Variants in MOGAT2 observed in about 807,000 individuals in gnomAD.
MOGAT2 encodes monoacylglycerol O-acyltransferase 2, also known as 2-acylglycerol O-acyltransferase 2.
In MOGAT2, 27 loss-of-function variants were observed where a neutral mutation model predicts 31.5. The observed-to-expected ratio is 0.86, with a 90% CI of 0.63 to 1.18. MOGAT2 has a LOEUF of 1.18. Among genes scored for constraint, MOGAT2 ranks in the 50% most tolerant of loss-of-function variants. The pLI is 0.00. For missense variants in MOGAT2, 436 were observed against 433.2 expected (o/e 1.01, Z -0.06); for synonymous variants, 163 against 170.0 (o/e 0.96, Z 0.32).
intron 2 of MOGAT2, among the ~76,000 whole-genome samples, chr11:75,725,117 G>T (rs981810510): frequency 3.3e-5 from 5 of 152,280 alleles, no homozygotes; most frequent in African/African-American, 1.2e-4. Flanking sequence ...GGAGTTGCTG[G>T]GTTAAAAGAT....
At chr11:75,730,166 TG>T (rs1361574148) in intron 5 of MOGAT2, among the ~76,000 whole-genome samples, 3 of 152,218 alleles carry the variant, frequency 2.0e-5, no homozygotes, top group Non-Finnish European at 4.4e-5. Flanking sequence ...AATATTTTCA[TG>T]AATTTTAATA....
chr11:75,729,049 G>T (rs867093633), intron 5 of MOGAT2, 60 bp downstream of exon 5: 1 of 1,539,396 alleles, frequency 6.5e-7, no homozygotes. Flanking sequence ...GTTGTGTGCT[G>T]CAAGGGGACA....
In MOGAT2 at chr11:75,725,484, G is replaced by A. The variant is rs1388185324; in HGVS notation, c.271-1951G>A. Among the ~76,000 whole-genome samples, 3 of 152,078 alleles carry A rather than the reference G, an allele frequency of 2.0e-5. No individual in the cohort carries two copies. In the East Asian group the frequency reaches 5.8e-4, roughly 29 times the overall value. On this transcript the variant is annotated intron_variant, in intron 2 of 5. Transcript: ENST00000198801. ...AATTGTTTGAACCTGGGAGGTGGAG[G>A]TTGCAGTGAGCTGAGATCATGCCAC...
At chr11:75,726,245 C>T (rs1402762706) in intron 2 of MOGAT2, among the ~76,000 whole-genome samples, 1 of 152,096 alleles carries the variant, frequency 6.6e-6, no homozygotes, top group Admixed American at 6.6e-5. Flanking sequence ...GAAGGCCTGG[C>T]GAGGGGAAGC....
intron 1 of MOGAT2, among the ~76,000 whole-genome samples, chr11:75,719,186 T>A (rs1944355750): frequency 6.6e-6 from 1 of 152,152 alleles, no homozygotes; most frequent in South Asian, 2.1e-4. Context: ...CAATCAAGGA[T>A]TTGCCTCCAG....
intron 2 of MOGAT2, 23 bp downstream of exon 2, chr11:75,720,193 G>T (rs1234630227): frequency 6.3e-7 from 1 of 1,599,652 alleles, no homozygotes; most frequent in East Asian, 2.2e-5. Context: ...GCTGGTTGGG[G>T]TTGGGGAGGG....
chr11:75,721,315 C>G (rs971770155), intron 2 of MOGAT2, among the ~76,000 whole-genome samples: 1 of 151,866 alleles, frequency 6.6e-6, no homozygotes, highest in Non-Finnish European at 1.5e-5. Flanking sequence ...TGGAGTCTCG[C>G]TCTGTCACCC....
chr11:75,730,379 C>G (rs1269449327), intron 5 of MOGAT2, among the ~76,000 whole-genome samples: 1 of 152,100 alleles, frequency 6.6e-6, no homozygotes, highest in Non-Finnish European at 1.5e-5. Context: ...AGAAATATAG[C>G]CGCTTCCATT....
chr11:75,720,514 A>T (rs1454333736), intron 2 of MOGAT2, among the ~76,000 whole-genome samples: 1 of 152,204 alleles, frequency 6.6e-6, no homozygotes, highest in Non-Finnish European at 1.5e-5. Context: ...TAATAAACTT[A>T]CAGGTTCTAA....
intron 2 of MOGAT2, among the ~76,000 whole-genome samples, chr11:75,722,155 G>A (rs1399811404): frequency 1.3e-5 from 2 of 152,188 alleles, no homozygotes; most frequent in Middle Eastern, 3.2e-3. Context: ...CCCACTCCTG[G>A]GTCTTGTCAG....
chr11:75,727,652 A>G lies in MOGAT2; in HGVS notation c.475+13A>G, dbSNP rs758850279. ...ATCATGTCTGCAGGTGAGTCTTTCT[A>G]CCCCTGAGCAGCTCAGGAAGGTAAC... On this transcript the variant is annotated intron_variant, in intron 3 of 5. Transcript: ENST00000198801. 1 of 1,608,880 alleles carries G rather than the reference A, an allele frequency of 6.2e-7. No individual in the cohort carries two copies. The highest frequency in any genetic ancestry group is 1.1e-5 in the South Asian group (1 of 90,680).
At chr11:75,731,051 A>G (rs1381074103) in intron 5 of MOGAT2, 81 bp from the exon 6 acceptor site, 1 of 1,299,712 alleles carries the variant, frequency 7.7e-7, no homozygotes, top group Non-Finnish European at 1.1e-6. Context: ...ACTTTTCTGC[A>G]GGGATGAACC....
chr11:75,728,317 C>G, intron 4 of MOGAT2, 173 bp downstream of exon 4: 1 of 780,726 alleles, frequency 1.3e-6, no homozygotes, highest in East Asian at 2.7e-5. Flanking sequence ...AGAAAAGTTT[C>G]CACAACGGAG....
chr11:75,725,071 G>A (rs11823410), intron 2 of MOGAT2, among the ~76,000 whole-genome samples: 37,894 of 152,158 alleles, frequency 0.25, 5,505 homozygotes, highest in African/African-American at 0.4. Context: ...TTTTGCACAA[G>A]TGTGAGAAAT....
At chr11:75,723,970 CTCT>C in intron 2 of MOGAT2, among the ~76,000 whole-genome samples, 1 of 152,284 alleles carries the variant, frequency 6.6e-6, no homozygotes, top group Middle Eastern at 3.4e-3. Context: ...CAAACCTCCC[CTCT>C]TCTTTGTTTA....
In MOGAT2 at chr11:75,728,968, C is replaced by A. The variant is rs377311369; in HGVS notation, c.829C>A (p.Arg277Ser). Residue 277 changes from arginine to serine, a missense_variant, in exon 5 of 6, where the codon CGC becomes AGC. Coordinates refer to ENST00000198801, the MANE Select transcript of MOGAT2 (RefSeq NM_025098.4). ...GTACAGCTTTGGTTTAATACCCTAC[C>A]GCCGGCCCATCACCACTGTGGGTAA... ...FQYSFGLIPY[R>S]RPITTVVGKP... The A allele has an allele frequency of 2.5e-6, 4 of 1,613,882 alleles. No individual in the cohort carries two copies. Among genetic ancestry groups the A allele is most frequent in the Middle Eastern group, 1.7e-4 (1 of 5,784 alleles).
At chr11:75,718,446 T>A (rs556208427) in intron 1 of MOGAT2, among the ~76,000 whole-genome samples, 2 of 151,870 alleles carry the variant, frequency 1.3e-5, no homozygotes, top group East Asian at 1.9e-4. Flanking sequence ...AGACTGAGAG[T>A]GGACTGTGGA....
In MOGAT2 at chr11:75,732,360, A is replaced by T. The variant is rs1258982576; in HGVS notation, c.*1074A>T. ...TTCCCCACTGCCTGAGCCCAACTAG[A>T]AGCTGGAGGGAAGGAGGGCCTGTGG... On this transcript the variant is annotated 3_prime_UTR_variant, in exon 6 of 6. Transcript: ENST00000198801. 6.6e-6 allele frequency: 1 copy of T among 152,196 alleles called. No homozygotes were observed. The highest frequency in any genetic ancestry group is 1.5e-5 in the Non-Finnish European group (1 of 68,066). The allele number at this position is 152,196 out of a possible 1,614,324, so 9.4% of individuals were successfully genotyped here. A position where few individuals can be genotyped will look rare whatever the true frequency, so the allele number is the denominator to read the frequency against.
intron 5 of MOGAT2, 26 bp downstream of exon 5, chr11:75,729,015 G>C (rs1944449353): frequency 1.2e-6 from 2 of 1,610,622 alleles, no homozygotes; most frequent in African/African-American, 1.3e-5. Flanking sequence ...GGCTGGGAGG[G>C]AGGAGGCCAA....
Sources: allele counts gnomAD v4.1 joint callset (sites outside exome capture counted in the v4.1 genomes callset), GRCh38; gene constraint gnomAD v4.1.1; transcripts MANE v1.5; gene names NCBI Gene and HGNC (gene_info 2026-07-23, HGNC 2026-07-21).